Variants in LARGE1 observed in about 807,000 individuals in gnomAD.
LARGE1 encodes the protein xylosyl- and glucuronyltransferase LARGE1.
LARGE1 carries 43 observed loss-of-function variants against 87.6 expected under a neutral mutation model. The observed-to-expected ratio is 0.49, with a 90% CI of 0.38 to 0.63. The LOEUF (loss-of-function observed/expected upper bound fraction) is 0.63. Ranked by LOEUF, LARGE1 falls within the 30% of genes least tolerant of loss-of-function variation. The pLI, the probability that LARGE1 is intolerant of heterozygous loss-of-function variation, is 0.00. For synonymous variants in LARGE1, 434 were observed against 394.6 expected (o/e 1.10, Z -1.18); for missense variants, 802 against 1,000.2 (o/e 0.80, Z 2.67).
chr22:33,846,375 TCTTTA>T (rs1473276230), intron 1 of LARGE1, among the ~76,000 whole-genome samples: 6 of 152,234 alleles, frequency 3.9e-5, no homozygotes, highest in Non-Finnish European at 8.8e-5. Context: ...CTTATGCCTG[TCTTTA>T]CTTTAATCTC....
intron 6 of LARGE1, among the ~76,000 whole-genome samples, chr22:33,460,023 G>C (rs1025420196): frequency 5.3e-5 from 8 of 152,246 alleles, no homozygotes; most frequent in African/African-American, 1.9e-4. Context: ...TACACACACA[G>C]TGAGACAATG....
At chr22:33,752,804 T>G (rs1030697535) in intron 2 of LARGE1, among the ~76,000 whole-genome samples, 10 of 152,146 alleles carry the variant, frequency 6.6e-5, no homozygotes, top group African/African-American at 2.4e-4. Flanking sequence ...GATGTCCACA[T>G]CCTAATCCCC....
intron 1 of LARGE1, among the ~76,000 whole-genome samples, chr22:33,869,868 G>T (rs2064222289): frequency 6.6e-6 from 1 of 152,212 alleles, no homozygotes; most frequent in South Asian, 2.1e-4. Flanking sequence ...CCGTCATCAG[G>T]AGTATGGGGA....
At chr22:33,228,623 T>C (rs1925852748) in intron 11 of LARGE1, among the ~76,000 whole-genome samples, 1 of 152,232 alleles carries the variant, frequency 6.6e-6, no homozygotes, top group African/African-American at 2.4e-5. Context: ...AGTCCTTTAA[T>C]TAAATACATC....
chr22:33,214,431 G>T lies in LARGE1; in HGVS notation c.1731-47599C>A, dbSNP rs148147844. ...AACATACAAATTTGGGGGGCCGGGG[G>T]GAGCAAAATATATAAATAATAGGCA... is the stretch of plus-strand genomic sequence containing the variant. On this transcript the variant is annotated intron_variant, in intron 11 of 11. Coordinates refer to the LARGE1 transcript ENST00000608642. Among the ~76,000 whole-genome samples the T allele has an allele frequency of 6.5e-3, 984 of 152,092 alleles. 6 individuals are homozygous for T. The highest frequency in any genetic ancestry group is 0.035 in the South Asian group (166 of 4,800).
intron 11 of LARGE1, among the ~76,000 whole-genome samples, chr22:33,256,242 G>T (rs1397752684): frequency 6.6e-6 from 1 of 152,200 alleles, no homozygotes; most frequent in Non-Finnish European, 1.5e-5. Flanking sequence ...CTCAGGCATG[G>T]TATGAGTACC....
At chr22:33,910,669 T>C (rs2065608387) in intron 1 of LARGE1, among the ~76,000 whole-genome samples, 2 of 152,088 alleles carry the variant, frequency 1.3e-5, no homozygotes, top group Admixed American at 1.3e-4. Context: ...CAACGTTGGC[T>C]GAGCAAGTGA....
intron 4 of LARGE1, among the ~76,000 whole-genome samples, chr22:33,606,027 A>G (rs1569307444): frequency 6.6e-6 from 1 of 152,174 alleles, no homozygotes; most frequent in Non-Finnish European, 1.5e-5. Flanking sequence ...AGGGTGTATT[A>G]GGAGTGGGGG....
intron 1 of LARGE1, among the ~76,000 whole-genome samples, chr22:33,859,302 C>G (rs2063845677): frequency 6.6e-6 from 1 of 152,162 alleles, no homozygotes; most frequent in South Asian, 2.1e-4. Flanking sequence ...GACATCTCAT[C>G]ATAGTCATTT....
the LARGE1 span, among the ~76,000 whole-genome samples, chr22:33,124,628 TCACTGAC>T: frequency 6.6e-6 from 1 of 152,136 alleles, no homozygotes; most frequent in Non-Finnish European, 1.5e-5. Context: ...GCCTCATCAA[TCACTGAC>T]CACCATCCTC....
At chr22:33,473,673 G>A (rs916130451) in intron 6 of LARGE1, among the ~76,000 whole-genome samples, 2 of 152,186 alleles carry the variant, frequency 1.3e-5, no homozygotes, top group Non-Finnish European at 2.9e-5. Context: ...TCGAACTCCT[G>A]ACCTCAGGTG....
intron 2 of LARGE1, among the ~76,000 whole-genome samples, chr22:33,719,816 G>A (rs917030329): frequency 6.6e-6 from 1 of 151,988 alleles, no homozygotes; most frequent in African/African-American, 2.4e-5. Flanking sequence ...CACCGCACCT[G>A]GCTCATCTAT....
intron 6 of LARGE1, among the ~76,000 whole-genome samples, chr22:33,489,704 C>CT (rs2069741242): frequency 6.6e-6 from 1 of 152,158 alleles, no homozygotes; most frequent in Admixed American, 6.6e-5. Context: ...ATTAAACCCT[C>CT]TTTTTCTTTA....
chr22:33,109,055 A>G, the LARGE1 span: 3 of 152,338 alleles, frequency 2.0e-5, no homozygotes, highest in South Asian at 6.2e-4. Context: ...ATGTCTGTCC[A>G]ATACATTGTG....
At chr22:33,813,703 A>C (rs944667170) in intron 1 of LARGE1, among the ~76,000 whole-genome samples, 4 of 152,174 alleles carry the variant, frequency 2.6e-5, no homozygotes, top group Admixed American at 6.5e-5. Context: ...CCATCTTCAC[A>C]GTGAAGACAG....
At chr22:33,598,431 T>C (rs1356150676) in intron 5 of LARGE1, among the ~76,000 whole-genome samples, 2 of 152,324 alleles carry the variant, frequency 1.3e-5, no homozygotes, top group East Asian at 3.9e-4. Flanking sequence ...CATACAGTTT[T>C]GTTATATGGG....
chr22:33,816,794 A>T (rs568810807), intron 1 of LARGE1, among the ~76,000 whole-genome samples: 1 of 152,208 alleles, frequency 6.6e-6, no homozygotes, highest in African/African-American at 2.4e-5. Flanking sequence ...AAATTCAGGC[A>T]TATCTGGCCA....
At chr22:33,318,365 G>GT (rs1361113927) in intron 10 of LARGE1, among the ~76,000 whole-genome samples, 3 of 152,132 alleles carry the variant, frequency 2.0e-5, no homozygotes, top group South Asian at 2.1e-4. Context: ...GCGGTGTTTG[G>GT]TTTTTTGTCC....
chr22:33,471,247 G>A (rs2068830363), intron 6 of LARGE1, among the ~76,000 whole-genome samples: 2 of 151,628 alleles, frequency 1.3e-5, no homozygotes, highest in African/African-American at 4.8e-5. Context: ...TAGCACCACG[G>A]TGGCCAAGCT....
Sources: allele counts gnomAD v4.1 joint callset (sites outside exome capture counted in the v4.1 genomes callset), GRCh38; gene constraint gnomAD v4.1.1; transcripts MANE v1.5; gene names NCBI Gene and HGNC (gene_info 2026-07-23, HGNC 2026-07-21).